PARP10: variants seen among roughly 807,000 people sequenced by gnomAD.
PARP10 encodes protein mono-ADP-ribosyltransferase PARP10.
PARP10 carries 56 observed loss-of-function variants against 82.4 expected under a neutral mutation model. The ratio of observed to expected loss-of-function variants is 0.68; its 90% confidence interval spans 0.55 to 0.85. The LOEUF is 0.85. Among genes scored for constraint, PARP10 ranks in the 40% least tolerant of loss-of-function variants. The pLI, the probability that PARP10 is intolerant of heterozygous loss-of-function variation, is 0.00. For synonymous variants in PARP10, 576 were observed against 601.1 expected (o/e 0.96, Z 0.61); for missense variants, 1,227 against 1,379.4 (o/e 0.89, Z 1.75).
intron 9 of PARP10, among the ~76,000 whole-genome samples, chr8:143,981,290 C>T (rs1276091399): frequency 6.6e-6 from 1 of 150,440 alleles, no homozygotes; most frequent in Admixed American, 6.6e-5. Context: ...TGATGGTGGC[C>T]ACGGTGGTGG....
At chr8:144,005,585 A>G (rs1834231109) in intron 1 of PARP10, among the ~76,000 whole-genome samples, 1 of 151,918 alleles carries the variant, frequency 6.6e-6, no homozygotes, top group South Asian at 2.1e-4. Context: ...TAAAATCCAA[A>G]ACCTCATCTC....
intron 9 of PARP10, among the ~76,000 whole-genome samples, chr8:143,980,011 C>CAAA (rs1175660825): frequency 2.7e-4 from 9 of 33,084 alleles, no homozygotes; most frequent in African/African-American, 4.3e-4. Context: ...GACTCCGTCT[C>CAAA]AAAAAAAAAA....
intron 1 of PARP10, among the ~76,000 whole-genome samples, chr8:143,998,848 G>T (rs541165806): frequency 6.6e-6 from 1 of 152,060 alleles, no homozygotes; most frequent in East Asian, 1.9e-4. Context: ...TACTCAAGAG[G>T]CTAAGGCGGG....
At chr8:143,987,889 T>C (rs1356364260), upstream of PARP10, among the ~76,000 whole-genome samples, 1 of 147,082 alleles carries the variant, frequency 6.8e-6, no homozygotes, top group Non-Finnish European at 1.5e-5. Context: ...AGACTCTGTC[T>C]AAAAAAAAAA....
In PARP10 at chr8:143,985,394, C is replaced by A. The variant is rs782092848; in HGVS notation, c.673+18G>T. On this transcript the variant is annotated intron_variant, in intron 4 of 10. Coordinates refer to ENST00000313028, the MANE Select transcript of PARP10 (RefSeq NM_032789.5). ...GCAGGAGAGGGACGGTCGGCTGGGTCTGCCCAGCCCCACTCACCTTGCCAC... is the reference window on the plus strand; with the variant it reads ...GCAGGAGAGGGACGGTCGGCTGGGTATGCCCAGCCCCACTCACCTTGCCAC... The A allele has an allele frequency of 1.9e-6, 3 of 1,600,914 alleles. No individual in the cohort carries two copies. Among genetic ancestry groups the A allele is most frequent in the Non-Finnish European group, 8.5e-7 (1 of 1,173,166 alleles).
chr8:143,978,296 C>T (rs1469515234), intron 9 of PARP10, among the ~76,000 whole-genome samples: 3 of 152,130 alleles, frequency 2.0e-5, no homozygotes, highest in East Asian at 3.9e-4. Context: ...CCTGACCCCT[C>T]CCCCTCCCGT....
At chr8:144,006,689 T>C (rs1834238838) in intron 1 of PARP10, among the ~76,000 whole-genome samples, 2 of 152,064 alleles carry the variant, frequency 1.3e-5, no homozygotes, top group African/African-American at 4.8e-5. Context: ...GGTGATGAGG[T>C]CATGAGGGTG....
Position 143,984,959 on chromosome 8 carries a change from T to C in PARP10, c.1043A>G (p.Gln348Arg). 1 of 1,613,876 alleles carries C rather than the reference T, an allele frequency of 6.2e-7. No homozygotes were observed. The highest frequency in any genetic ancestry group is 1.3e-5 in the African/African-American group (1 of 74,988). The change falls in exon 5 of 11, where the codon CAA becomes CGA. Residue 348 changes from glutamine to arginine, a missense_variant. Transcript: ENST00000313028. ...AGACCCCATGGGCATCGAGCTGACT[T>C]GCTCTGCCTGTCCCAGAGACCCCAT... ...GPMGSLGQAE[Q>R]VSSMPMGSLE... is the part of the protein sequence containing the mutation.
At chr8:143,995,546 G>A (rs1023458752), upstream of PARP10, among the ~76,000 whole-genome samples, 1 of 152,150 alleles carries the variant, frequency 6.6e-6, no homozygotes, top group Admixed American at 6.5e-5. Flanking sequence ...GAGGCTGAAC[G>A]CACCTGTAGC....
chr8:143,991,511 A>C (rs1211354088), upstream of PARP10: 4 of 1,542,128 alleles, frequency 2.6e-6, no homozygotes, highest in South Asian at 3.6e-5. Flanking sequence ...CCTACCCCCA[A>C]GGGGGCTACC....
chr8:143,986,232 C>A lies in PARP10; in HGVS notation c.4G>T (p.Val2Phe), dbSNP rs370323755. 1 of 1,613,980 alleles carries A rather than the reference C, an allele frequency of 6.2e-7. No individual in the cohort carries two copies. Among genetic ancestry groups the A allele is most frequent in the South Asian group, 1.1e-5 (1 of 91,078 alleles). Residue 2 changes from valine (V) to phenylalanine (F), a missense_variant and splice_region_variant, in exon 2 of 11, where the codon GTT (valine) becomes TTT (phenylalanine). Val to Phe is a conservative substitution (Grantham distance 50). Coordinates refer to ENST00000313028, the MANE Select transcript of PARP10 (RefSeq NM_032789.5). M[V>F]AMAEAEAGVA... ...CCTGCCTCTGCCTCCGCCATTGCAACCCTGGGACGGGGCATCAGGTGGGTA... is the reference window on the plus strand; with the variant it reads ...CCTGCCTCTGCCTCCGCCATTGCAAACCTGGGACGGGGCATCAGGTGGGTA...
upstream of PARP10, chr8:143,991,378 A>C (rs782775051): frequency 1.8e-6 from 2 of 1,120,140 alleles, no homozygotes; most frequent in Non-Finnish European, 2.5e-6. Context: ...CCCTCCCCCT[A>C]CGGTCAGCCA....
In PARP10 at chr8:144,008,270, C is replaced by T. The variant is rs1308237682; in HGVS notation, c.-80+4260G>A. 6.6e-6 allele frequency among the ~76,000 whole-genome samples: 1 copy of T among 152,204 alleles called. No individual in the cohort carries two copies. The highest frequency in any genetic ancestry group is 2.4e-5 in the African/African-American group (1 of 41,456). On this transcript the variant is annotated intron_variant, in intron 1 of 3. Coordinates refer to the PARP10 transcript ENST00000530478. This position sits in a 1 kb window ranked among gnomAD's most constrained non-coding sequence, Gnocchi z 4.0. ...CCTGTCAGGTGGATGGAACAGAGGG[C>T]TCCCGGCTGCAGGCCCCCATTCTTC...
chr8:144,012,744 C>T, exon 1 of PARP10: 1 of 1,551,354 alleles, frequency 6.4e-7, no homozygotes, highest in South Asian at 1.2e-5. Context: ...GCCTCGCTCC[C>T]AAGAGAGTGA....
At chr8:143,978,884 C>A (rs1564246555) in intron 9 of PARP10, among the ~76,000 whole-genome samples, 1 of 152,112 alleles carries the variant, frequency 6.6e-6, no homozygotes, top group Non-Finnish European at 1.5e-5. Context: ...CGTGAAATGC[C>A]AAGAAGGACA....
At chr8:143,989,484 C>T (rs1554750114), upstream of PARP10, 1 of 152,182 alleles carries the variant, frequency 6.6e-6, no homozygotes, top group African/African-American at 2.4e-5. This position sits in a 1 kb window ranked among gnomAD's most constrained non-coding sequence, Gnocchi z 4.3. Flanking sequence ...ACACGAAGGA[C>T]AAAATGCCTG....
intron 1 of PARP10, among the ~76,000 whole-genome samples, chr8:144,009,527 C>A (rs1834258468): frequency 6.6e-6 from 1 of 152,170 alleles, no homozygotes. Flanking sequence ...TCCTGGGCAA[C>A]CTCATCCGCT....
At chr8:143,986,941 C>G (rs1834001750), upstream of PARP10, 1 of 160,650 alleles carries the variant, frequency 6.2e-6, no homozygotes, top group Non-Finnish European at 1.4e-5. Context: ...ATGGGCGGTT[C>G]CCCACCCTTG....
At chr8:143,979,197 T>A (rs556910221) in intron 9 of PARP10, among the ~76,000 whole-genome samples, 26 of 152,016 alleles carry the variant, frequency 1.7e-4, no homozygotes, top group Admixed American at 1.7e-3. Context: ...ATGGTCTCGA[T>A]CTCCTGACCT....
Sources: gnomAD v4.1 joint callset for allele counts (sites outside exome capture counted in the v4.1 genomes callset) on GRCh38, gnomAD v4.1.1 for gene constraint, Gnocchi (gnomAD v3.1) non-coding constraint, MANE v1.5 for transcripts, NCBI Gene and HGNC (gene_info 2026-07-23, HGNC 2026-07-21) for gene names.